AKAP9: variants seen among roughly 807,000 people sequenced by gnomAD.
AKAP9 encodes the protein A-kinase anchoring protein 9, also known as A-kinase anchor protein 9.
A neutral mutation model predicts 488.5 loss-of-function variants in AKAP9; 311 were observed. The ratio of observed to expected loss-of-function variants is 0.64; its 90% CI spans 0.58 to 0.70. AKAP9 has a LOEUF of 0.70. Among genes scored for constraint, AKAP9 ranks in the 30% least tolerant of loss-of-function variants. AKAP9 has a pLI of 0.00. For synonymous variants in AKAP9, 1,462 were observed against 1,483.5 expected (o/e 0.99, Z 0.33); for missense variants, 4,215 against 4,374.5 (o/e 0.96, Z 1.03).
At chr7:92,000,743 T>C in intron 7 of AKAP9, 105 bp from the exon 8 acceptor site, 1 of 652,244 alleles carries the variant, frequency 1.5e-6, no homozygotes, top group East Asian at 3.0e-5. Flanking sequence ...TTGTAGAATT[T>C]TTTAAAAGAG....
intron 21 of AKAP9, among the ~76,000 whole-genome samples, chr7:92,048,811 G>A (rs1244463626): frequency 6.6e-6 from 1 of 152,156 alleles, no homozygotes; most frequent in Non-Finnish European, 1.5e-5. Flanking sequence ...TGAGGCTGAA[G>A]CAAGAGAATG....
At chr7:91,992,589 G>A (rs1161943337) in intron 4 of AKAP9, among the ~76,000 whole-genome samples, 1 of 151,198 alleles carries the variant, frequency 6.6e-6, no homozygotes, top group African/African-American at 2.4e-5. Context: ...GCTTGAACCC[G>A]GGAGGCGGAG....
intron 1 of AKAP9, among the ~76,000 whole-genome samples, chr7:91,960,437 G>T (rs1248324527): frequency 6.6e-6 from 1 of 152,152 alleles, no homozygotes; most frequent in Non-Finnish European, 1.5e-5. Flanking sequence ...TTTTGAGTCA[G>T]ATATTGTTGT....
At chr7:91,979,428 C>G (rs968461350) in intron 2 of AKAP9, among the ~76,000 whole-genome samples, 2 of 152,054 alleles carry the variant, frequency 1.3e-5, no homozygotes, top group African/African-American at 4.8e-5. Context: ...TTACTTATCT[C>G]CCACCAGGTC....
chr7:92,038,533 C>G lies in AKAP9; in HGVS notation c.4453C>G (p.Gln1485Glu). ...AGCACATGCTGTGTGTCAGCAAGAA[C>G]AACATTATTTTAATGAAATGAAATT... is the stretch of plus-strand genomic sequence containing the variant. Reference protein sequence around the residue: ...KQAHAVCQQEQHYFNEMKLSQ... With the variant: ...KQAHAVCQQEEHYFNEMKLSQ... The change falls in exon 17 of 50, where the codon CAA becomes GAA. Residue 1485 changes from glutamine (Q) to glutamate (E), a missense_variant. Physicochemically the swap from Gln to Glu is conservative, Grantham distance 29. Coordinates refer to ENST00000356239, the MANE Select transcript of AKAP9 (RefSeq NM_005751.5). The G allele has an allele frequency of 1.9e-6, 3 of 1,613,748 alleles. No individual in the cohort carries two copies. Among genetic ancestry groups the G allele is most frequent in the Non-Finnish European group, 1.7e-6 (2 of 1,179,826 alleles).
chr7:92,031,437 T>C (rs529279970), intron 15 of AKAP9, 75 bp from the exon 16 acceptor site: 2 of 1,058,900 alleles, frequency 1.9e-6, no homozygotes, highest in Non-Finnish European at 2.9e-6. Flanking sequence ...TTTGGGGAGA[T>C]TTTGAGGTAG....
intron 2 of AKAP9, among the ~76,000 whole-genome samples, chr7:91,974,401 A>G (rs1363496225): frequency 6.6e-6 from 1 of 152,222 alleles, no homozygotes; most frequent in Non-Finnish European, 1.5e-5. Context: ...TTTCCCAATG[A>G]ACTGTCAATG....
Position 92,097,169 on chromosome 7 carries a change from A to C in AKAP9, c.10210A>C (p.Lys3404Gln). The change falls in exon 41 of 50, where the codon AAA becomes CAA. Residue 3404 changes from lysine (K) to glutamine (Q), a missense_variant. Transcript: ENST00000356239. ...EQEANTEGQK[K>Q]MHELQSKVED... ...GGAGGCCAACACTGAGGGACAGAAAAAAATGCATGAGCTCCAGTCCAAAGT... is the reference window on the plus strand; with the variant it reads ...GGAGGCCAACACTGAGGGACAGAAACAAATGCATGAGCTCCAGTCCAAAGT... 2 of 1,614,020 alleles carry C rather than the reference A, an allele frequency of 1.2e-6. No individual in the cohort carries two copies. The highest frequency in any genetic ancestry group is 2.2e-5 in the South Asian group (2 of 91,028).
rs1238258530 is a variant in AKAP9 at position 92,097,101 on chromosome 7, A to G, written c.10142A>G (p.Glu3381Gly). The change falls in exon 41 of 50, where the codon GAA becomes GGA. Residue 3381 changes from glutamate to glycine, a missense_variant. Around this residue, in one of 5 missense-constraint regions of AKAP9, gnomAD observed 1,476 missense variants for 1,477.4 expected, o/e 1.00. Coordinates refer to ENST00000356239, the MANE Select transcript of AKAP9 (RefSeq NM_005751.5). ...TCTTTGCAAACACGACAGCAAATGG[A>G]AAAAGATAGGCAGGTTCACAGGAAA... Reference protein sequence around the residue: ...LDSLQTRQQMEKDRQVHRKTL... With the variant: ...LDSLQTRQQMGKDRQVHRKTL... 1 of 1,614,256 alleles carries G rather than the reference A, an allele frequency of 6.2e-7. No homozygotes were observed. The highest frequency in any genetic ancestry group is 8.5e-7 in the Non-Finnish European group (1 of 1,180,042).
At position 92,084,839 on chromosome 7, in the gene AKAP9, C is replaced by T. The variant is rs1814229222; in HGVS notation, c.8731C>T (p.Gln2911Ter). 1 of 1,612,644 alleles carries T rather than the reference C, an allele frequency of 6.2e-7. No individual in the cohort carries two copies. The highest frequency in any genetic ancestry group is 8.5e-7 in the Non-Finnish European group (1 of 1,179,532). Residue 2911 changes from glutamine (Q) to a stop codon, truncating the protein, a stop_gained, in exon 35 of 50, where the codon CAG becomes TAG. Transcript: ENST00000356239. LOFTEE classifies it high-confidence loss of function. ...TTTAGATTCTGGATCAGACTGGGGT[C>T]AGGGAATTTATCTTACACACAGTCA... ...CSSDSGSDWG[Q>*]GIYLTHSQGF...
chr7:92,076,576 G>A (rs1354355221), intron 28 of AKAP9, among the ~76,000 whole-genome samples: 1 of 152,134 alleles, frequency 6.6e-6, no homozygotes, highest in Non-Finnish European at 1.5e-5. Flanking sequence ...TTCTGCTTCA[G>A]GAGAAGAGAC....
chr7:91,955,156 C>A (rs1792805170), intron 1 of AKAP9, among the ~76,000 whole-genome samples: 1 of 152,166 alleles, frequency 6.6e-6, no homozygotes, highest in Non-Finnish European at 1.5e-5. Context: ...ACTGACCTTT[C>A]TTTCCTTATC....
At chr7:91,942,214 T>C (rs1790850447) in intron 1 of AKAP9, among the ~76,000 whole-genome samples, 1 of 152,066 alleles carries the variant, frequency 6.6e-6, no homozygotes, top group African/African-American at 2.4e-5. Context: ...TCTCCTCACA[T>C]AAACAAAGGA....
At position 91,998,418 on chromosome 7, in the gene AKAP9, C is replaced by CTTTTTTTTTTTTTTTTTTT. The variant is rs60778133; in HGVS notation, c.931-2411_931-2393dup. Among the ~76,000 whole-genome samples, 5 of 53,962 alleles carry CTTTTTTTTTTTTTTTTTTT rather than the reference C, an allele frequency of 9.3e-5. 1 individual carries two copies. The highest frequency in any genetic ancestry group is 2.0e-4 in the Non-Finnish European group (5 of 25,222). 35.4% of individuals were successfully genotyped at this position (53,962 alleles called of 152,430 possible). On this transcript the variant is annotated intron_variant, in intron 7 of 49. Coordinates refer to ENST00000356239, the MANE Select transcript of AKAP9 (RefSeq NM_005751.5). ...AGATAGTGTATTCAACCACAGGGCT[C>CTTTTTTTTTTTTTTTTTTT]TTTTTTTTTTTTTTTTTTTTTTTTT... is the stretch of plus-strand genomic sequence containing the variant.
chr7:92,089,307 C>T (rs948575826), intron 37 of AKAP9, 78 bp from the exon 38 acceptor site: 2 of 1,526,742 alleles, frequency 1.3e-6, no homozygotes, highest in East Asian at 4.5e-5. Flanking sequence ...TCCATTCATT[C>T]TTCTTTAGAT....
intron 16 of AKAP9, among the ~76,000 whole-genome samples, chr7:92,034,465 T>C (rs1399969916): frequency 6.7e-6 from 1 of 148,742 alleles, no homozygotes; most frequent in Non-Finnish European, 1.5e-5. Context: ...TAGAGTTGTA[T>C]TGTAGTGTAT....
intron 24 of AKAP9, 114 bp downstream of exon 24, chr7:92,062,600 A>G: frequency 1.2e-6 from 1 of 836,856 alleles, no homozygotes; most frequent in Non-Finnish European, 1.9e-6. Context: ...TTTTATAGAG[A>G]GATTTAAAAA....
Position 92,085,812 on chromosome 7 carries a change from C to T in AKAP9, c.9024+126C>T. On this transcript the variant is annotated intron_variant, in intron 36 of 49. Transcript: ENST00000356239. ...ATAACTATATATATATATTTTCACA[C>T]TTGAAACTCAGCCAGAAGCAGTGCC... The T allele has an allele frequency of 5.2e-6, 4 of 768,882 alleles. No homozygotes were observed. In the South Asian group the frequency reaches 7.7e-5, roughly 15 times the overall value. The allele number at this position is 768,882 out of a possible 1,614,324, so 47.6% of individuals were successfully genotyped here.
chr7:92,051,409 A>G (rs1183503704), intron 21 of AKAP9, among the ~76,000 whole-genome samples: 1 of 152,228 alleles, frequency 6.6e-6, no homozygotes, highest in African/African-American at 2.4e-5. Flanking sequence ...AATAAGTACC[A>G]GTGTAGCTGA....
Sources: gnomAD v4.1 joint callset for allele counts (sites outside exome capture counted in the v4.1 genomes callset) on GRCh38, gnomAD v4.1.1 for gene constraint, gnomAD v4.1.1 regional missense constraint, MANE v1.5 for transcripts, NCBI Gene and HGNC (gene_info 2026-07-23, HGNC 2026-07-21) for gene names.